ZFYVE27: variants seen among roughly 807,000 people sequenced by gnomAD.
The protein encoded by ZFYVE27 is protrudin.
ZFYVE27 carries 36 observed loss-of-function variants against 52.8 expected under a neutral mutation model. The ratio of observed to expected loss-of-function variants is 0.68; its 90% CI spans 0.52 to 0.90. The LOEUF is 0.90. Among genes scored for constraint, ZFYVE27 ranks in the 40% least tolerant of loss-of-function variants. The probability of loss-of-function intolerance (pLI) is 0.00; values close to 1 mark genes in which losing one functional copy is unlikely to be tolerated. For missense variants in ZFYVE27, 450 were observed against 527.2 expected (o/e 0.85, Z 1.43); for synonymous variants, 223 against 215.6 (o/e 1.03, Z -0.30).
chr10:97,751,060 A>T (rs1043851957), intron 7 of ZFYVE27, among the ~76,000 whole-genome samples: 20 of 152,126 alleles, frequency 1.3e-4, no homozygotes, highest in Admixed American at 2.6e-4. Context: ...TCTGAGAAAG[A>T]GATCATTCTC....
chr10:97,744,731 G>T lies in ZFYVE27; in HGVS notation c.271G>T (p.Ala91Ser). Residue 91 changes from alanine to serine, a missense_variant and splice_region_variant, in exon 4 of 13, where the codon GCA (alanine) becomes TCA (serine). Coordinates refer to ENST00000684270, the MANE Select transcript of ZFYVE27 (RefSeq NM_001385875.1). ...NVLFLTLNEG[A>S]WYSVGALMIS... ...CTGCAGTGTTTTTGATTCTGCAGGT[G>T]CATGGTACTCAGTAGGTGCCCTGAT... is the stretch of plus-strand genomic sequence containing the variant. 2 of 1,613,544 alleles carry T rather than the reference G, an allele frequency of 1.2e-6. No homozygotes were observed. Among genetic ancestry groups the T allele is most frequent in the Non-Finnish European group, 1.7e-6 (2 of 1,180,024 alleles).
intron 4 of ZFYVE27, 128 bp from the exon 5 acceptor site, chr10:97,748,141 C>T: frequency 1.1e-6 from 1 of 890,838 alleles, no homozygotes; most frequent in East Asian, 2.6e-5. Context: ...CGACTCCTCT[C>T]TCTTTAAGCA....
At chr10:97,755,215 T>G (rs905266929) in intron 10 of ZFYVE27, among the ~76,000 whole-genome samples, 1 of 152,364 alleles carries the variant, frequency 6.6e-6, no homozygotes, top group East Asian at 1.9e-4. Flanking sequence ...CTTTCCCTTT[T>G]CTGAGATGTT....
intron 4 of ZFYVE27, 81 bp downstream of exon 4, chr10:97,744,996 C>T (rs2044781926): frequency 6.8e-7 from 1 of 1,480,178 alleles, no homozygotes; most frequent in Non-Finnish European, 9.1e-7. Context: ...GTGTGCTCGA[C>T]ATCATATTAG....
Position 97,744,760 on chromosome 10 carries a change from T to C in ZFYVE27, c.300T>C (p.Ile100=), listed in dbSNP as rs750900942. 1 of 1,613,986 alleles carries C rather than the reference T, an allele frequency of 6.2e-7. No individual in the cohort carries two copies. The highest frequency in any genetic ancestry group is 1.7e-5 in the Admixed American group (1 of 60,036). The change falls in exon 4 of 13, where the codon ATT becomes ATC. Residue 100 remains isoleucine, a synonymous_variant. Transcript: ENST00000684270. ...GGTACTCAGTAGGTGCCCTGATGAT[T>C]TCAGTGCCCGCCCTGCTGGGCTACC... ...GAWYSVGALM[I]SVPALLGYLQ... is the part of the protein sequence containing the mutation.
intron 2 of ZFYVE27, among the ~76,000 whole-genome samples, chr10:97,741,311 A>G (rs1477050953): frequency 6.6e-5 from 10 of 152,234 alleles, no homozygotes; most frequent in Non-Finnish European, 2.9e-5. Flanking sequence ...ACACATGCAC[A>G]TGTATGTTTG....
At position 97,759,350 on chromosome 10, in the gene ZFYVE27, G is replaced by A. The variant is rs765533781; in HGVS notation, c.*50G>A. ...GCACCCGTCCTTGGGACCAGCAGTA[G>A]ACCCCCCACTCTCCCCACCCCTGGC... On this transcript the variant is annotated 3_prime_UTR_variant, in exon 13 of 13. Transcript: ENST00000684270. The A allele has an allele frequency of 6.3e-7, 1 of 1,598,996 alleles. No homozygotes were observed. The highest frequency in any genetic ancestry group is 1.1e-5 in the South Asian group (1 of 90,712).
chr10:97,749,056 T>G (rs2046233048), intron 5 of ZFYVE27, among the ~76,000 whole-genome samples: 1 of 152,204 alleles, frequency 6.6e-6, no homozygotes, highest in Non-Finnish European at 1.5e-5. Context: ...TATCTCACTC[T>G]TATAGTAACT....
intron 5 of ZFYVE27, 94 bp from the exon 6 acceptor site, chr10:97,749,380 G>T: frequency 1.1e-6 from 1 of 900,468 alleles, no homozygotes; most frequent in Non-Finnish European, 1.9e-6. Context: ...GCCCAGAGCT[G>T]TGTCTCACCT....
chr10:97,754,193 C>T (rs188871748), intron 10 of ZFYVE27, among the ~76,000 whole-genome samples: 6 of 152,212 alleles, frequency 3.9e-5, no homozygotes, highest in Admixed American at 3.3e-4. Context: ...TGACTCAGGG[C>T]CCCCAGGGTC....
chr10:97,757,938 A>G, intron 12 of ZFYVE27: 1 of 563,048 alleles, frequency 1.8e-6, no homozygotes. Context: ...AAGGGTAATA[A>G]CAAGATGAAT....
intron 6 of ZFYVE27, 107 bp downstream of exon 6, chr10:97,749,693 C>T (rs1029170418): frequency 2.2e-6 from 2 of 890,064 alleles, no homozygotes; most frequent in Middle Eastern, 5.3e-4. Context: ...TGCTGTGCTT[C>T]CACAAGTGCA....
chr10:97,742,764 C>T (rs1196820495), intron 2 of ZFYVE27, among the ~76,000 whole-genome samples: 1 of 152,142 alleles, frequency 6.6e-6, no homozygotes, highest in East Asian at 1.9e-4. Flanking sequence ...GAACATTTGT[C>T]AGTGTCACCT....
chr10:97,758,843 G>A (rs547379757), intron 12 of ZFYVE27, among the ~76,000 whole-genome samples: 12 of 151,938 alleles, frequency 7.9e-5, no homozygotes, highest in Middle Eastern at 3.4e-3. Flanking sequence ...GTGCAGTGGC[G>A]CCATCTCGGC....
chr10:97,746,045 ATATATAT>A (rs1223888430), intron 4 of ZFYVE27, among the ~76,000 whole-genome samples: 736 of 58,174 alleles, frequency 0.013, 7 homozygotes, highest in African/African-American at 0.05. Context: ...ATATATATAT[ATATATAT>A]TTTTTTTTTT....
Position 97,738,460 on chromosome 10 carries a change from A to T in ZFYVE27, c.-1-17A>T. The T allele has an allele frequency of 6.2e-7, 1 of 1,613,262 alleles. No homozygotes were observed. The highest frequency in any genetic ancestry group is 8.5e-7 in the Non-Finnish European group (1 of 1,179,896). ...CTAGACGTGCAATGCAAATGTTGGG[A>T]ATTATTATGGTTACAGGATGCAGAC... is the stretch of plus-strand genomic sequence containing the variant. On this transcript the variant is annotated splice_polypyrimidine_tract_variant and intron_variant, in intron 1 of 12. Transcript: ENST00000684270.
intron 5 of ZFYVE27, 37 bp from the exon 6 acceptor site, chr10:97,749,437 C>T (rs369011564): frequency 2.9e-5 from 45 of 1,551,398 alleles, no homozygotes; most frequent in Admixed American, 6.7e-5. Flanking sequence ...TCTGCTGTTA[C>T]GAATTTCTGA....
At chr10:97,750,567 TC>T in intron 7 of ZFYVE27, 97 bp downstream of exon 7, 1 of 1,530,256 alleles carries the variant, frequency 6.5e-7, no homozygotes, top group Non-Finnish European at 8.9e-7. Context: ...CTGTTGTAGT[TC>T]CTGCTATTTC....
intron 2 of ZFYVE27, among the ~76,000 whole-genome samples, chr10:97,741,662 A>AGAT (rs1299856716): frequency 2.0e-5 from 3 of 152,204 alleles, no homozygotes; most frequent in Non-Finnish European, 4.4e-5. Context: ...TACCTGAGGT[A>AGAT]GATGATGGGT....
Sources: allele counts gnomAD v4.1 joint callset (sites outside exome capture counted in the v4.1 genomes callset), GRCh38; gene constraint gnomAD v4.1.1; transcripts MANE v1.5; gene names NCBI Gene and HGNC (gene_info 2026-07-23, HGNC 2026-07-21).